PIEZO2: variants seen among roughly 807,000 people sequenced by gnomAD.
PIEZO2 encodes the protein piezo type mechanosensitive ion channel component 2.
PIEZO2 carries 172 observed loss-of-function variants against 337.3 expected under a neutral mutation model. That is an observed-to-expected ratio of 0.51 (90% CI 0.45 to 0.58). The LOEUF (loss-of-function observed/expected upper bound fraction) is 0.58. Among genes scored for constraint, PIEZO2 ranks in the 20% least tolerant of loss-of-function variants. The pLI, the probability that PIEZO2 is intolerant of heterozygous loss-of-function variation, is 0.00. For missense variants in PIEZO2, 3,028 were observed against 3,391.3 expected, an observed-to-expected ratio of 0.89 and a Z score of 2.66; for synonymous variants, 1,251 against 1,228.5, an observed-to-expected ratio of 1.02 and a Z score of -0.38.
chr18:10,913,908 A>G (rs1484983867), intron 3 of PIEZO2, among the ~76,000 whole-genome samples: 2 of 152,130 alleles, frequency 1.3e-5, no homozygotes, highest in East Asian at 3.8e-4. Flanking sequence ...TTAACATGCT[A>G]GGTATGAGAC....
chr18:10,731,430 C>A lies in PIEZO2; in HGVS notation c.5006G>T (p.Arg1669Leu), dbSNP rs2865121. Residue 1669 changes from arginine (R) to leucine (L), a missense_variant, in exon 36 of 56, where the codon CGA becomes CTA. By Grantham distance (102) the Arg-to-Leu change is moderately radical. Transcript: ENST00000674853. ...ACCCTCCTTGGATCCTTTCCGCCTT[C>A]GTTTCCGTTCTTCTCTTGCAGACCT... ...KKRSAREERK[R>L]RRKGSKEGPV... The A allele has an allele frequency of 2.2e-5, 33 of 1,534,052 alleles. No individual in the cohort carries two copies. Among genetic ancestry groups the A allele is most frequent in the Non-Finnish European group, 2.9e-5 (33 of 1,145,486 alleles).
chr18:10,979,128 T>G lies in PIEZO2; in HGVS notation c.286+407A>C, dbSNP rs1158425418. Among the ~76,000 whole-genome samples, 1 of 152,130 alleles carries G rather than the reference T, an allele frequency of 6.6e-6. No individual in the cohort carries two copies. Among genetic ancestry groups the G allele is most frequent in the Non-Finnish European group, 1.5e-5 (1 of 68,022 alleles). On this transcript the variant is annotated intron_variant, in intron 3 of 55. Coordinates refer to ENST00000674853, the MANE Select transcript of PIEZO2 (RefSeq NM_001378183.1). This position sits in a 1 kb window ranked among gnomAD's most constrained non-coding sequence, Gnocchi z 4.0. ...ATTGTTCTTTGTAATAGGATTAATG[T>G]CATAGTCATGTAATTTCATATAATA... is the stretch of plus-strand genomic sequence containing the variant.
At position 11,009,286 on chromosome 18, in the gene PIEZO2, T is replaced by C. The variant is rs1423897956; in HGVS notation, c.161-29626A>G. On this transcript the variant is annotated intron_variant, in intron 2 of 55. Coordinates refer to ENST00000674853, the MANE Select transcript of PIEZO2 (RefSeq NM_001378183.1). This position sits in a 1 kb window ranked among gnomAD's most constrained non-coding sequence, Gnocchi z 4.6. ...TGGGCTTCACAAGCCCTGATGTGCA[T>C]TGAAGCCCCTTGGGAATCTTTAAGA... 3.3e-5 allele frequency among the ~76,000 whole-genome samples: 5 copies of C among 152,214 alleles called. No individual in the cohort carries two copies. Among genetic ancestry groups the C allele is most frequent in the African/African-American group, 1.2e-4 (5 of 41,462 alleles).
At position 10,969,034 on chromosome 18, in the gene PIEZO2, A is replaced by G. The variant is rs1171154184; in HGVS notation, c.286+10501T>C. 6.6e-6 allele frequency among the ~76,000 whole-genome samples: 1 copy of G among 152,238 alleles called. No individual in the cohort carries two copies. Among genetic ancestry groups the G allele is most frequent in the African/African-American group, 2.4e-5 (1 of 41,458 alleles). On this transcript the variant is annotated intron_variant, in intron 3 of 55. Coordinates refer to ENST00000674853, the MANE Select transcript of PIEZO2 (RefSeq NM_001378183.1). This position sits in a 1 kb window ranked among gnomAD's most constrained non-coding sequence, Gnocchi z 4.5. ...AATATACATCAATTTTGTAAGTCTG[A>G]AAAATAACTAAGCTTATGTCATACA...
chr18:11,130,776 G>A (rs1466124719), intron 1 of PIEZO2, among the ~76,000 whole-genome samples: 1 of 152,190 alleles, frequency 6.6e-6, no homozygotes, highest in Non-Finnish European at 1.5e-5. Flanking sequence ...CCAAGAAAGA[G>A]GCACATGGCC....
intron 7 of PIEZO2, among the ~76,000 whole-genome samples, chr18:10,849,692 C>A (rs1186421943): frequency 6.6e-6 from 1 of 152,226 alleles, no homozygotes; most frequent in African/African-American, 2.4e-5. Flanking sequence ...AACATTAATT[C>A]TTCCATTCTT....
Position 11,038,430 on chromosome 18 carries a change from C to T in PIEZO2, c.160+27697G>A, listed in dbSNP as rs1162475406. Among the ~76,000 whole-genome samples the T allele has an allele frequency of 6.6e-6, 1 of 152,082 alleles. No homozygotes were observed. The highest frequency in any genetic ancestry group is 1.9e-4 in the East Asian group (1 of 5,198). ...TCCCATGCCAAGTGTAAGCCGGAGG[C>T]CCTTATTTAAGAATCTCCACCCATT... On this transcript the variant is annotated intron_variant, in intron 2 of 55. Transcript: ENST00000674853. This position sits in a 1 kb window ranked among gnomAD's most constrained non-coding sequence, Gnocchi z 4.1.
At chr18:10,699,349 G>T (rs2035235996) in intron 43 of PIEZO2, among the ~76,000 whole-genome samples, 172 bp from the exon 44 acceptor site, 1 of 152,216 alleles carries the variant, frequency 6.6e-6, no homozygotes, top group Non-Finnish European at 1.5e-5. Flanking sequence ...TTGTGGGAGA[G>T]ACCCGGTGGG....
At chr18:10,912,511 A>G (rs1289429745) in intron 3 of PIEZO2, among the ~76,000 whole-genome samples, 2 of 152,112 alleles carry the variant, frequency 1.3e-5, no homozygotes, top group African/African-American at 2.4e-5. Context: ...ACTTCTGTCA[A>G]TAGGAAACGG....
Position 10,748,430 on chromosome 18 carries a change from G to T in PIEZO2, c.4424+41C>A, listed in dbSNP as rs2037511251. 6.5e-7 allele frequency: 1 copy of T among 1,526,740 alleles called. No homozygotes were observed. The highest frequency in any genetic ancestry group is 2.0e-5 in the Admixed American group (1 of 50,250). 94.6% of individuals were successfully genotyped at this position (1,526,740 alleles called of 1,614,324 possible). A position where few individuals can be genotyped will look rare whatever the true frequency, so the allele number is the denominator to read the frequency against. ...GATAGTGCAATATTATTTCAGGCAA[G>T]TTTCCTGGGAGAAACCACCTGATTT... On this transcript the variant is annotated intron_variant, in intron 30 of 55. Transcript: ENST00000674853. This position sits in a 1 kb window ranked among gnomAD's most constrained non-coding sequence, Gnocchi z 5.1.
intron 3 of PIEZO2, among the ~76,000 whole-genome samples, chr18:10,911,813 C>T (rs1181372791): frequency 2.0e-5 from 3 of 151,448 alleles, no homozygotes; most frequent in Admixed American, 1.3e-4. Flanking sequence ...TGTGACAGAA[C>T]TCTCCATGCC....
rs2145608665 is a variant in PIEZO2 at position 11,001,591 on chromosome 18, T to C, written c.161-21931A>G. The stretch of plus-strand genomic sequence containing the variant: ...AAGGATTTGCTCTTCTAAAATCTTT[T>C]GTCAAGCAGGGTGTGGTGGCTCGTG... On this transcript the variant is annotated intron_variant, in intron 2 of 55. Coordinates refer to ENST00000674853, the MANE Select transcript of PIEZO2 (RefSeq NM_001378183.1). The surrounding 1 kb of genome is among the most constrained non-coding windows in gnomAD (Gnocchi z 5.3). Among the ~76,000 whole-genome samples, 1 of 152,206 alleles carries C rather than the reference T, an allele frequency of 6.6e-6. No individual in the cohort carries two copies. The highest frequency in any genetic ancestry group is 2.4e-5 in the African/African-American group (1 of 41,536).
At chr18:11,091,403 AAAAAG>A (rs1341827431) in intron 1 of PIEZO2, among the ~76,000 whole-genome samples, 1 of 151,624 alleles carries the variant, frequency 6.6e-6, no homozygotes, top group Non-Finnish European at 1.5e-5. Context: ...AAAAAAAGAA[AAAAAG>A]AAAAAGAAAG....
At chr18:11,114,469 C>T (rs1433260591) in intron 1 of PIEZO2, among the ~76,000 whole-genome samples, 1 of 152,174 alleles carries the variant, frequency 6.6e-6, no homozygotes, top group Admixed American at 6.5e-5. Flanking sequence ...AGTTCAAGAC[C>T]AGCCTGGCCA....
intron 1 of PIEZO2, among the ~76,000 whole-genome samples, chr18:11,115,064 G>T (rs114719352): frequency 0.01 from 1,527 of 152,230 alleles, 31 homozygotes; most frequent in African/African-American, 0.035. Flanking sequence ...ATGTTTTCCA[G>T]GTTGCTCTAT....
intron 3 of PIEZO2, among the ~76,000 whole-genome samples, chr18:10,928,791 C>G (rs944790942): frequency 6.6e-6 from 1 of 152,100 alleles, no homozygotes; most frequent in African/African-American, 2.4e-5. Flanking sequence ...CCTATTTTAC[C>G]GGCCAAGACA....
chr18:10,967,865 G>T (rs1353945097), intron 3 of PIEZO2, among the ~76,000 whole-genome samples: 1 of 151,980 alleles, frequency 6.6e-6, no homozygotes, highest in Non-Finnish European at 1.5e-5. Flanking sequence ...TGTAGATTGT[G>T]GAGATTTTCT....
rs542578835 is a variant in PIEZO2, at chr18:10,742,855, A to C, written c.4515-240T>G. 1.2e-4 allele frequency among the ~76,000 whole-genome samples: 18 copies of C among 152,128 alleles called. No homozygotes were observed. The South Asian group carries it at 3.7e-3, about 32-fold the overall frequency. Reference sequence around the variant, plus strand: ...ATTCCCATGTTATTTGGCACTGCATAGATGCCAGTCTTAATAATATGATCA... The same window carrying C: ...ATTCCCATGTTATTTGGCACTGCATCGATGCCAGTCTTAATAATATGATCA... On this transcript the variant is annotated intron_variant, in intron 31 of 55. Coordinates refer to ENST00000674853, the MANE Select transcript of PIEZO2 (RefSeq NM_001378183.1).
At position 10,828,122 on chromosome 18, in the gene PIEZO2, T is replaced by G. The variant is rs565936592; in HGVS notation, c.918-20848A>C. Among the ~76,000 whole-genome samples, 34 of 122,026 alleles carry G rather than the reference T, an allele frequency of 2.8e-4. No individual in the cohort carries two copies. In the South Asian group the frequency reaches 3.2e-3, roughly 12 times the overall value. The allele number at this position is 122,026 out of a possible 152,430, so 80.1% of individuals were successfully genotyped here. Reference sequence around the variant, plus strand: ...AGCTCGAAATAGCATGACGGTTTTTTTTTGTTTGTTTGTTTTTGTTTTTTT... The same window carrying G: ...AGCTCGAAATAGCATGACGGTTTTTGTTTGTTTGTTTGTTTTTGTTTTTTT... On this transcript the variant is annotated intron_variant, in intron 7 of 55. Transcript: ENST00000674853. The surrounding 1 kb of genome is among the most constrained non-coding windows in gnomAD (Gnocchi z 4.1).
Sources: gnomAD v4.1 joint callset for allele counts (sites outside exome capture counted in the v4.1 genomes callset) on GRCh38, gnomAD v4.1.1 for gene constraint, Gnocchi (gnomAD v3.1) non-coding constraint, MANE v1.5 for transcripts, NCBI Gene and HGNC (gene_info 2026-07-23, HGNC 2026-07-21) for gene names.